Variants in GTF2A2 observed in about 807,000 individuals in gnomAD.
GTF2A2 encodes the protein general transcription factor IIA subunit 2.
GTF2A2 carries 9 observed loss-of-function variants against 14.3 expected under a neutral mutation model. That is an observed-to-expected ratio of 0.63 (90% CI 0.38 to 1.10). The LOEUF (loss-of-function observed/expected upper bound fraction) is 1.10, where lower values mean the gene tolerates loss of function less well. Among genes scored for constraint, GTF2A2 ranks in the 50% least tolerant of loss-of-function variants. GTF2A2 has a pLI of 0.01. For missense variants in GTF2A2, 90 were observed against 124.6 expected (o/e 0.72, Z 1.32); for synonymous variants, 56 against 46.0 (o/e 1.22, Z -0.88).
chr15:59,643,492 C>T (rs1891501607), intron 3 of GTF2A2, among the ~76,000 whole-genome samples: 1 of 151,708 alleles, frequency 6.6e-6, no homozygotes, highest in African/African-American at 2.4e-5. Context: ...GCTGAGATTA[C>T]AGGCGTGAGC....
At chr15:59,639,753 T>G (rs1001263256) in intron 4 of GTF2A2, among the ~76,000 whole-genome samples, 1 of 151,592 alleles carries the variant, frequency 6.6e-6, no homozygotes, top group African/African-American at 2.4e-5. Flanking sequence ...CCACCGTGCC[T>G]GGCAATTTTT....
chr15:59,647,786 T>G (rs1891654545), intron 3 of GTF2A2, among the ~76,000 whole-genome samples: 1 of 151,868 alleles, frequency 6.6e-6, no homozygotes, highest in South Asian at 2.1e-4. Flanking sequence ...GCCAGTCTGG[T>G]CTCAAATTCC....
Position 59,638,467 on chromosome 15 carries a change from A to C in GTF2A2, c.*665T>G, listed in dbSNP as rs1891256652. The C allele has an allele frequency of 6.6e-6, 1 of 152,200 alleles. No homozygotes were observed. The highest frequency in any genetic ancestry group is 1.9e-4 in the East Asian group (1 of 5,186). 9.4% of individuals were successfully genotyped at this position (152,200 alleles called of 1,614,324 possible). Reference sequence around the variant, plus strand: ...TGATAAAATGTATGAACTTTGGATCAATATGGCAAGCTGAAGACACCTGTC... The same window carrying C: ...TGATAAAATGTATGAACTTTGGATCCATATGGCAAGCTGAAGACACCTGTC... On this transcript the variant is annotated 3_prime_UTR_variant, in exon 5 of 5. Transcript: ENST00000396060.
At chr15:59,648,295 C>A (rs1891674003) in intron 3 of GTF2A2, among the ~76,000 whole-genome samples, 1 of 149,054 alleles carries the variant, frequency 6.7e-6, no homozygotes, top group African/African-American at 2.5e-5. Flanking sequence ...GTAATCCCAG[C>A]TATTCAGGAG....
Position 59,638,516 on chromosome 15 carries a change from G to C in GTF2A2, c.*616C>G, listed in dbSNP as rs183147372. On this transcript the variant is annotated 3_prime_UTR_variant, in exon 5 of 5. Transcript: ENST00000396060. Reference sequence around the variant, plus strand: ...TCATGTGGGGGGACTATTTTGTTTGGGTTTTTTTCCCCCTTCCTCATGTTA... The same window carrying C: ...TCATGTGGGGGGACTATTTTGTTTGCGTTTTTTTCCCCCTTCCTCATGTTA... 7.2e-5 allele frequency: 11 copies of C among 152,008 alleles called. No homozygotes were observed. The highest frequency in any genetic ancestry group is 2.4e-4 in the African/African-American group (10 of 41,282). The allele number at this position is 152,008 out of a possible 1,614,324, so 9.4% of individuals were successfully genotyped here.
chr15:59,643,889 C>T (rs1474040378), intron 3 of GTF2A2, among the ~76,000 whole-genome samples: 1 of 148,924 alleles, frequency 6.7e-6, no homozygotes, highest in Non-Finnish European at 1.5e-5. Flanking sequence ...TGAGCCATAG[C>T]ACCCAGCCTA....
chr15:59,655,216 A>T (rs545888519), intron 1 of GTF2A2, among the ~76,000 whole-genome samples: 1 of 152,222 alleles, frequency 6.6e-6, no homozygotes, highest in Non-Finnish European at 1.5e-5. Flanking sequence ...CTTAAAAAGT[A>T]AAACAAAACA....
intron 1 of GTF2A2, among the ~76,000 whole-genome samples, chr15:59,654,224 C>T (rs554856164): frequency 1.3e-5 from 2 of 152,278 alleles, no homozygotes; most frequent in African/African-American, 4.8e-5. Flanking sequence ...GATTTGGGCC[C>T]CCCAGTGCCT....
Position 59,639,170 on chromosome 15 carries a change from AGAG to A in GTF2A2, c.305-16_305-14del. 7.0e-7 allele frequency: 1 copy of A among 1,429,018 alleles called. No homozygotes were observed. Among genetic ancestry groups the A allele is most frequent in the Non-Finnish European group, 9.8e-7 (1 of 1,016,212 alleles). The allele number at this position is 1,429,018 out of a possible 1,614,324, so 88.5% of individuals were successfully genotyped here. A position where few individuals can be genotyped will look rare whatever the true frequency, so the allele number is the denominator to read the frequency against. On this transcript the variant is annotated splice_polypyrimidine_tract_variant and intron_variant, in intron 4 of 4. Coordinates refer to ENST00000396060, the MANE Select transcript of GTF2A2 (RefSeq NM_004492.3). Reference sequence around the variant, plus strand: ...TTGGAGCCAGTATCTAGGAAACAAAAGAGAAAGTAAAGTAAAGTAAATTCAAGG... The same window carrying A: ...TTGGAGCCAGTATCTAGGAAACAAAAAAAGTAAAGTAAAGTAAATTCAAGG...
chr15:59,653,168 G>GA (rs1407899556), intron 1 of GTF2A2, among the ~76,000 whole-genome samples: 9 of 152,148 alleles, frequency 5.9e-5, no homozygotes, highest in African/African-American at 2.2e-4. Flanking sequence ...TTTTAGGCAG[G>GA]AAAGGTCAGA....
chr15:59,642,356 T>A, intron 3 of GTF2A2, 94 bp from the exon 4 acceptor site: 1 of 1,032,896 alleles, frequency 9.7e-7, no homozygotes, highest in Non-Finnish European at 1.4e-6. Flanking sequence ...ACCAAGAACA[T>A]AATAAGTTTA....
Position 59,652,217 on chromosome 15 carries a change from C to T in GTF2A2, c.61G>A (p.Glu21Lys). 1 of 1,579,074 alleles carries T rather than the reference C, an allele frequency of 6.3e-7. No individual in the cohort carries two copies. Among genetic ancestry groups the T allele is most frequent in the Middle Eastern group, 1.7e-4 (1 of 5,996 alleles). Residue 21 changes from glutamate to lysine, a missense_variant, in exon 2 of 5, where the codon GAG becomes AAG. Transcript: ENST00000396060. ...LGNSLQESLD[E>K]LIQSQQITPQ... Reference sequence around the variant, plus strand: ...ATTCAGTCTCCCACCTGTATGAGCTCATCTAGGCTCTCCTGAAGACTGTTT... The same window carrying T: ...ATTCAGTCTCCCACCTGTATGAGCTTATCTAGGCTCTCCTGAAGACTGTTT...
chr15:59,649,187 G>C (rs907534710), intron 3 of GTF2A2, among the ~76,000 whole-genome samples: 2 of 152,126 alleles, frequency 1.3e-5, no homozygotes, highest in Non-Finnish European at 2.9e-5. Context: ...ATTTAAAATT[G>C]ATCAAGTTGG....
In GTF2A2 at chr15:59,642,079, A is replaced by G; in HGVS notation, c.304+57T>C. On this transcript the variant is annotated intron_variant, in intron 4 of 4. Coordinates refer to ENST00000396060, the MANE Select transcript of GTF2A2 (RefSeq NM_004492.3). The stretch of plus-strand genomic sequence containing the variant: ...TTTTCATATGGATGCAGATCTTCTA[A>G]AGGCTCATAAAAACAAGGTTTCAAG... The G allele has an allele frequency of 9.3e-6, 14 of 1,508,618 alleles. No homozygotes were observed. The South Asian group carries it at 1.4e-4, about 15-fold the overall frequency. The allele number at this position is 1,508,618 out of a possible 1,614,324, so 93.5% of individuals were successfully genotyped here. A position where few individuals can be genotyped will look rare whatever the true frequency, so the allele number is the denominator to read the frequency against.
intron 3 of GTF2A2, among the ~76,000 whole-genome samples, chr15:59,650,168 A>G (rs1457178898): frequency 6.6e-6 from 1 of 152,236 alleles, no homozygotes; most frequent in African/African-American, 2.4e-5. Flanking sequence ...TAAGTGACTG[A>G]AGTGAGACCA....
chr15:59,639,159 T>C lies in GTF2A2; in HGVS notation c.305-2A>G, dbSNP rs1442104541. The C allele has an allele frequency of 6.9e-7, 1 of 1,452,986 alleles. No individual in the cohort carries two copies. The highest frequency in any genetic ancestry group is 9.6e-7 in the Non-Finnish European group (1 of 1,036,682). The allele number at this position is 1,452,986 out of a possible 1,614,324, so 90.0% of individuals were successfully genotyped here. The stretch of plus-strand genomic sequence containing the variant: ...ATTCTGTAGTATTGGAGCCAGTATC[T>C]AGGAAACAAAAGAGAAAGTAAAGTA... On this transcript the variant is annotated splice_acceptor_variant, in intron 4 of 4. Transcript: ENST00000396060. LOFTEE classifies it high-confidence loss of function.
chr15:59,645,049 A>T (rs1891556668), intron 3 of GTF2A2, among the ~76,000 whole-genome samples: 1 of 152,172 alleles, frequency 6.6e-6, no homozygotes, highest in Non-Finnish European at 1.5e-5. Context: ...GGATCAATAG[A>T]AATGGAGAGA....
chr15:59,654,986 A>G (rs907630628), intron 1 of GTF2A2, among the ~76,000 whole-genome samples: 10 of 152,108 alleles, frequency 6.6e-5, no homozygotes, highest in African/African-American at 2.2e-4. Flanking sequence ...GGGATGCCCA[A>G]CCTGTACCCA....
chr15:59,639,279 G>C (rs1378978758), intron 4 of GTF2A2, 122 bp from the exon 5 acceptor site: 3 of 702,440 alleles, frequency 4.3e-6, no homozygotes, highest in Non-Finnish European at 7.9e-6. Context: ...GGCTTGCAGG[G>C]TGGGGAAGAA....
Sources: allele counts gnomAD v4.1 joint callset (sites outside exome capture counted in the v4.1 genomes callset), GRCh38; gene constraint gnomAD v4.1.1; transcripts MANE v1.5; gene names NCBI Gene and HGNC (gene_info 2026-07-23, HGNC 2026-07-21).